KATNIP: variants seen among roughly 807,000 people sequenced by gnomAD.
KATNIP encodes katanin-interacting protein.
KATNIP carries 126 observed loss-of-function variants against 174.0 expected under a neutral mutation model. The observed-to-expected ratio is 0.72, with a 90% CI of 0.63 to 0.84. KATNIP has a LOEUF of 0.84. KATNIP is among the 40% of genes least tolerant of loss of function. KATNIP has a pLI of 0.00. For missense variants in KATNIP, 1,958 were observed against 2,109.7 expected, an observed-to-expected ratio of 0.93 and a Z score of 1.41; for synonymous variants, 810 against 835.7, an observed-to-expected ratio of 0.97 and a Z score of 0.53.
chr16:27,668,720 AGGTGGCTGGGTGT>A (rs1484583103), intron 6 of KATNIP, among the ~76,000 whole-genome samples: 3 of 152,176 alleles, frequency 2.0e-5, no homozygotes, highest in Non-Finnish European at 4.4e-5. Flanking sequence ...AAATGAAATG[AGGTGGCTGGGTGT>A]GGTGGTTCAT....
At chr16:27,610,632 G>C (rs908689288) in intron 2 of KATNIP, among the ~76,000 whole-genome samples, 1 of 152,126 alleles carries the variant, frequency 6.6e-6, no homozygotes, top group Non-Finnish European at 1.5e-5. Flanking sequence ...ACATCAGGGG[G>C]CACAATTCAC....
chr16:27,628,546 T>G, intron 3 of KATNIP, 115 bp from the exon 4 acceptor site: 2 of 1,149,244 alleles, frequency 1.7e-6, no homozygotes, highest in Non-Finnish European at 2.5e-6. Context: ...ACACGCCCCC[T>G]GGGCTCTGAT....
intron 6 of KATNIP, among the ~76,000 whole-genome samples, chr16:27,671,581 T>C (rs1054596221): frequency 6.6e-6 from 1 of 152,228 alleles, no homozygotes; most frequent in Non-Finnish European, 1.5e-5. Flanking sequence ...GATTCATTTC[T>C]AGTCAGTCAT....
At position 27,603,884 on chromosome 16, in the gene KATNIP, G is replaced by A. The variant is rs192207835; in HGVS notation, c.64-14541G>A. Among the ~76,000 whole-genome samples, 639 of 150,060 alleles carry A rather than the reference G, an allele frequency of 4.3e-3. 2 individuals carry two copies. The highest frequency in any genetic ancestry group is 5.4e-3 in the Non-Finnish European group (361 of 67,412). ...CCCGAGTAGCTGGGATTATAGGCAC[G>A]TGCCACCATGGCTGGCTAATTTTTG... On this transcript the variant is annotated intron_variant, in intron 2 of 27. Transcript: ENST00000261588.
At chr16:27,775,213 G>A in intron 24 of KATNIP, 129 bp downstream of exon 24, 1 of 1,167,548 alleles carries the variant, frequency 8.6e-7, no homozygotes, top group Non-Finnish European at 1.2e-6. Flanking sequence ...CTTGGGAGCT[G>A]TCAGAAAGGT....
chr16:27,574,675 C>T lies in KATNIP; in HGVS notation c.63+719C>T, dbSNP rs62029087. Reference sequence around the variant, plus strand: ...CGCCTCCCGGGTTCAAGCAATTCTCCTGCCTTAGCTTCCCAAGTAGCTGGA... The same window carrying T: ...CGCCTCCCGGGTTCAAGCAATTCTCTTGCCTTAGCTTCCCAAGTAGCTGGA... On this transcript the variant is annotated intron_variant, in intron 2 of 27. Coordinates refer to ENST00000261588, the MANE Select transcript of KATNIP (RefSeq NM_015202.5). Among the ~76,000 whole-genome samples the T allele has an allele frequency of 7.3e-3, 1,082 of 147,800 alleles. 18 individuals are homozygous for T. The highest frequency in any genetic ancestry group is 0.025 in the African/African-American group (990 of 40,204).
chr16:27,648,944 C>T (rs560473013), intron 6 of KATNIP, among the ~76,000 whole-genome samples: 2 of 152,306 alleles, frequency 1.3e-5, no homozygotes, highest in East Asian at 1.9e-4. Context: ...GACCAGGGGT[C>T]GGTGAGGCTG....
chr16:27,624,835 A>T (rs2076287815), intron 3 of KATNIP, among the ~76,000 whole-genome samples: 1 of 152,152 alleles, frequency 6.6e-6, no homozygotes, highest in African/African-American at 2.4e-5. Context: ...AAAAGAAAGA[A>T]ATAGCCATTG....
At chr16:27,555,109 A>G (rs2089560956) in intron 1 of KATNIP, among the ~76,000 whole-genome samples, 2 of 152,166 alleles carry the variant, frequency 1.3e-5, no homozygotes, top group Admixed American at 1.3e-4. Context: ...TGATTTATAC[A>G]TAATTTTATA....
chr16:27,699,529 T>C lies in KATNIP; in HGVS notation c.1114-5T>C. 1 of 1,614,004 alleles carries C rather than the reference T, an allele frequency of 6.2e-7. No individual in the cohort carries two copies. The highest frequency in any genetic ancestry group is 8.5e-7 in the Non-Finnish European group (1 of 1,179,926). On this transcript the variant is annotated splice_region_variant and splice_polypyrimidine_tract_variant and intron_variant, in intron 9 of 27. Coordinates refer to ENST00000261588, the MANE Select transcript of KATNIP (RefSeq NM_015202.5). ...ACATCACATCATGTGATCACATCCT[T>C]CCAGGATGCAGAAGGACCACCAGCA...
intron 24 of KATNIP, 54 bp downstream of exon 24, chr16:27,775,138 A>T: frequency 6.3e-7 from 1 of 1,576,208 alleles, no homozygotes; most frequent in Non-Finnish European, 8.6e-7. Context: ...GGGCAGGGGG[A>T]CTTTCTTTCC....
chr16:27,614,464 C>A (rs1204092442), intron 2 of KATNIP, among the ~76,000 whole-genome samples: 1 of 152,002 alleles, frequency 6.6e-6, no homozygotes, highest in East Asian at 1.9e-4. Flanking sequence ...CCTGGCCACA[C>A]CCTGCTATTT....
rs753136716 is a variant in KATNIP, at chr16:27,586,611, T to C, written c.63+12655T>C. ...TGGGAGGCCAAGGCAGGAGGATCAC[T>C]TGAGCCCAGGAGTTCGAGACCAGCC... is the stretch of plus-strand genomic sequence containing the variant. On this transcript the variant is annotated intron_variant, in intron 2 of 27. Transcript: ENST00000261588. Among the ~76,000 whole-genome samples the C allele has an allele frequency of 3.3e-5, 5 of 152,106 alleles. No individual in the cohort carries two copies. The South Asian group carries it at 6.2e-4, about 19-fold the overall frequency.
chr16:27,701,983 G>T (rs1410984666), intron 11 of KATNIP, among the ~76,000 whole-genome samples: 1 of 151,982 alleles, frequency 6.6e-6, no homozygotes, highest in African/African-American at 2.4e-5. Context: ...TTGTAGAGGG[G>T]GTCTCACAAC....
intron 10 of KATNIP, among the ~76,000 whole-genome samples, chr16:27,700,790 A>C (rs1016820035): frequency 1.3e-5 from 2 of 152,214 alleles, no homozygotes; most frequent in African/African-American, 4.8e-5. Context: ...CAAGTGGGAC[A>C]GGGTGTGCAT....
At chr16:27,648,532 G>A (rs2077028406) in intron 5 of KATNIP, 72 bp from the exon 6 acceptor site, 1 of 1,576,926 alleles carries the variant, frequency 6.3e-7, no homozygotes, top group South Asian at 1.2e-5. Context: ...CCTCTCCAGT[G>A]CCAGTCCCTG....
intron 1 of KATNIP, among the ~76,000 whole-genome samples, chr16:27,572,766 CA>C (rs2090355982): frequency 6.6e-6 from 1 of 152,136 alleles, no homozygotes; most frequent in African/African-American, 2.4e-5. Flanking sequence ...CCAGATAAAC[CA>C]AAAGATGTCT....
In KATNIP at chr16:27,582,779, G is replaced by A. The variant is rs550972343; in HGVS notation, c.63+8823G>A. ...TGGCAAGGATTCAGTGAATTCATAC[G>A]TGTCAAGTGCTTAGGATGGAACCTG... On this transcript the variant is annotated intron_variant, in intron 2 of 27. Coordinates refer to ENST00000261588, the MANE Select transcript of KATNIP (RefSeq NM_015202.5). Among the ~76,000 whole-genome samples the A allele has an allele frequency of 2.5e-4, 38 of 152,266 alleles. 1 individual carries two copies. Among genetic ancestry groups the A allele is most frequent in the Admixed American group, 6.5e-4 (10 of 15,284 alleles).
chr16:27,735,622 G>C (rs2080870042), intron 14 of KATNIP, among the ~76,000 whole-genome samples: 1 of 152,196 alleles, frequency 6.6e-6, no homozygotes, highest in Admixed American at 6.5e-5. Flanking sequence ...CGACTTTTCT[G>C]ACAGTCGGCA....
Sources: gnomAD v4.1 joint callset for allele counts (sites outside exome capture counted in the v4.1 genomes callset) on GRCh38, gnomAD v4.1.1 for gene constraint, MANE v1.5 for transcripts, NCBI Gene and HGNC (gene_info 2026-07-23, HGNC 2026-07-21) for gene names.